KYNU: variants seen among roughly 807,000 people sequenced by gnomAD.
KYNU encodes L-kynurenine hydrolase.
In KYNU, 54 loss-of-function variants were observed where a neutral mutation model predicts 59.2. The observed-to-expected ratio is 0.91, with a 90% CI of 0.73 to 1.14. The LOEUF (loss-of-function observed/expected upper bound fraction) is 1.14, where lower values mean the gene tolerates loss of function less well. Ranked by LOEUF, KYNU falls within the 50% of genes most tolerant of loss-of-function variation. The pLI, the probability that KYNU is intolerant of heterozygous loss-of-function variation, is 0.00. For missense variants in KYNU, 567 were observed against 554.4 expected (o/e 1.02, Z -0.23); for synonymous variants, 177 against 192.0 (o/e 0.92, Z 0.65).
intron 3 of KYNU, among the ~76,000 whole-genome samples, chr2:142,926,614 G>A (rs547438551): frequency 5.9e-5 from 9 of 152,316 alleles, no homozygotes; most frequent in African/African-American, 2.2e-4. Flanking sequence ...GATGCAGTGA[G>A]TAATCACACC....
At chr2:142,983,219 A>G (rs1373641904) in intron 8 of KYNU, among the ~76,000 whole-genome samples, 4 of 152,044 alleles carry the variant, frequency 2.6e-5, no homozygotes, top group African/African-American at 4.8e-5. Context: ...GGTGAGGATG[A>G]TTATGCTCCA....
chr2:142,958,500 G>A (rs186972643), intron 7 of KYNU, among the ~76,000 whole-genome samples: 1 of 152,222 alleles, frequency 6.6e-6, no homozygotes, highest in African/African-American at 2.4e-5. Context: ...TCATTGTTTG[G>A]ACAATTACTT....
chr2:142,906,869 G>A (rs1375767045), intron 2 of KYNU, among the ~76,000 whole-genome samples: 1 of 152,124 alleles, frequency 6.6e-6, no homozygotes, highest in Non-Finnish European at 1.5e-5. Flanking sequence ...TTGACCCTTG[G>A]CATCCCTAGG....
intron 1 of KYNU, among the ~76,000 whole-genome samples, chr2:142,883,423 C>T (rs2104902020): frequency 6.6e-6 from 1 of 152,058 alleles, no homozygotes; most frequent in Middle Eastern, 3.4e-3. Flanking sequence ...CGGTCTTGAT[C>T]TCCTGACCTC....
At chr2:142,976,778 A>G (rs571561301) in intron 8 of KYNU, among the ~76,000 whole-genome samples, 1 of 152,148 alleles carries the variant, frequency 6.6e-6, no homozygotes, top group Admixed American at 6.6e-5. Context: ...GTCAGGGTAC[A>G]GCTTGCTTTT....
At chr2:143,000,999 T>C (rs1055427773) in intron 10 of KYNU, among the ~76,000 whole-genome samples, 1 of 152,244 alleles carries the variant, frequency 6.6e-6, no homozygotes, top group Non-Finnish European at 1.5e-5. Context: ...ATCCACTTAT[T>C]GCCTCACTCA....
intron 10 of KYNU, among the ~76,000 whole-genome samples, chr2:142,987,740 A>G (rs1023234261): frequency 6.6e-6 from 1 of 151,904 alleles, no homozygotes; most frequent in Non-Finnish European, 1.5e-5. Flanking sequence ...AACATTTAAT[A>G]TGGTTTGGAT....
intron 3 of KYNU, among the ~76,000 whole-genome samples, chr2:142,922,047 C>T (rs1334195335): frequency 6.6e-6 from 1 of 152,162 alleles, no homozygotes; most frequent in Admixed American, 6.6e-5. Context: ...GCCACTTCTG[C>T]TCTACTTCTT....
intron 13 of KYNU, 89 bp downstream of exon 13, chr2:143,040,747 A>G (rs564103501): frequency 1.8e-5 from 14 of 773,320 alleles, no homozygotes; most frequent in East Asian, 5.3e-5. Context: ...TCATTGTTGC[A>G]TGTTATTTCA....
At chr2:143,020,828 A>G (rs1271079845) in intron 10 of KYNU, among the ~76,000 whole-genome samples, 2 of 152,192 alleles carry the variant, frequency 1.3e-5, no homozygotes, top group Non-Finnish European at 2.9e-5. Flanking sequence ...TCGTAGGTCA[A>G]TGGTGTTTAT....
chr2:142,883,372 G>A (rs1319266875), intron 1 of KYNU, among the ~76,000 whole-genome samples: 1 of 150,056 alleles, frequency 6.7e-6, no homozygotes, highest in Non-Finnish European at 1.5e-5. Context: ...TTTTTTTTTT[G>A]TATTTTTAGT....
chr2:142,955,303 A>C (rs1022396095), intron 5 of KYNU, among the ~76,000 whole-genome samples: 13 of 152,120 alleles, frequency 8.5e-5, no homozygotes, highest in Non-Finnish European at 1.9e-4. Flanking sequence ...TTTTAAAAAG[A>C]GGTCTAGTAC....
Position 142,935,578 on chromosome 2 carries a change from A to G in KYNU, c.373+7837A>G, listed in dbSNP as rs146875159. Among the ~76,000 whole-genome samples the G allele has an allele frequency of 9.6e-3, 1,463 of 152,310 alleles. 16 individuals are homozygous for G. Among genetic ancestry groups the G allele is most frequent in the South Asian group, 0.059 (286 of 4,826 alleles). On this transcript the variant is annotated intron_variant, in intron 4 of 13. Coordinates refer to ENST00000264170, the MANE Select transcript of KYNU (RefSeq NM_003937.3). ...CCAGGTTAGTTTATAAGACTGGGTAAGGTACTGAAACTCCCTAATATAAGA... is the reference window on the plus strand; with the variant it reads ...CCAGGTTAGTTTATAAGACTGGGTAGGGTACTGAAACTCCCTAATATAAGA...
intron 10 of KYNU, among the ~76,000 whole-genome samples, chr2:143,002,075 G>A (rs1049111336): frequency 2.0e-5 from 3 of 152,186 alleles, no homozygotes; most frequent in African/African-American, 7.2e-5. Context: ...GAAAGACAAT[G>A]GATGGCAAAC....
intron 4 of KYNU, among the ~76,000 whole-genome samples, chr2:142,951,795 A>C (rs956924753): frequency 5.3e-5 from 8 of 152,356 alleles, no homozygotes; most frequent in Non-Finnish European, 7.3e-5. Flanking sequence ...GTTTAATTTA[A>C]AGTGGTCCAT....
intron 10 of KYNU, among the ~76,000 whole-genome samples, chr2:142,988,407 A>G (rs1045585316): frequency 7.2e-5 from 11 of 151,846 alleles, no homozygotes; most frequent in African/African-American, 2.7e-4. Flanking sequence ...ATTTTAGCAG[A>G]CCTTTGATGA....
chr2:142,921,355 T>C (rs1280882889), intron 3 of KYNU, among the ~76,000 whole-genome samples: 2 of 152,218 alleles, frequency 1.3e-5, no homozygotes, highest in Non-Finnish European at 2.9e-5. Context: ...GCTGTATTTT[T>C]AGGAGGCTTT....
intron 10 of KYNU, among the ~76,000 whole-genome samples, chr2:142,994,664 A>T (rs1685494635): frequency 6.6e-6 from 1 of 152,088 alleles, no homozygotes; most frequent in Non-Finnish European, 1.5e-5. Flanking sequence ...GTTGCTTAAT[A>T]AGTTTATTAT....
chr2:142,941,023 T>A (rs559516432), intron 4 of KYNU, among the ~76,000 whole-genome samples: 2 of 152,340 alleles, frequency 1.3e-5, no homozygotes, highest in South Asian at 4.1e-4. Context: ...GGTACTTAAA[T>A]GTGTTCATCA....
Sources: gnomAD v4.1 joint callset for allele counts (sites outside exome capture counted in the v4.1 genomes callset) on GRCh38, gnomAD v4.1.1 for gene constraint, MANE v1.5 for transcripts, NCBI Gene and HGNC (gene_info 2026-07-23, HGNC 2026-07-21) for gene names.